ZFTRAF1: variants seen among roughly 807,000 people sequenced by gnomAD.
The protein encoded by ZFTRAF1 is zinc finger TRAF-type and ring finger containing 1, also known as zinc finger TRAF-type-containing protein 1.
chr8:144,461,217 C>G, the ZFTRAF1 span, among the ~76,000 whole-genome samples: 1 of 152,236 alleles, frequency 6.6e-6, no homozygotes, highest in Non-Finnish European at 1.5e-5. Flanking sequence ...AAAGTAGCTC[C>G]TCATCCAGGC....
the ZFTRAF1 span, chr8:144,451,953 G>A: frequency 1.4e-5 from 4 of 289,914 alleles, no homozygotes; most frequent in Non-Finnish European, 2.1e-5. Flanking sequence ...CACTCGGCAG[G>A]GTGCTCTTCT....
the ZFTRAF1 span, among the ~76,000 whole-genome samples, chr8:144,460,404 C>G: frequency 6.6e-6 from 1 of 152,256 alleles, no homozygotes; most frequent in African/African-American, 2.4e-5. Flanking sequence ...GCAGAGCCAT[C>G]ACTCTGTGCC....
the ZFTRAF1 span, chr8:144,462,234 G>C: frequency 2.0e-6 from 1 of 489,560 alleles, no homozygotes; most frequent in African/African-American, 2.1e-5. Flanking sequence ...CCCGCGGCGG[G>C]GGCTGCAGCC....
At chr8:144,453,707 C>G in the ZFTRAF1 span, 1 of 465,086 alleles carries the variant, frequency 2.2e-6, no homozygotes, top group Non-Finnish European at 3.9e-6. Flanking sequence ...CATCAGCTCA[C>G]AGAGGTGACA....
At chr8:144,458,860 G>A in the ZFTRAF1 span, among the ~76,000 whole-genome samples, 1 of 152,248 alleles carries the variant, frequency 6.6e-6, no homozygotes, top group African/African-American at 2.4e-5. Flanking sequence ...GCACTGTGCA[G>A]GGCCGAGTTA....
At chr8:144,452,335 G>A in the ZFTRAF1 span, 3 of 1,545,614 alleles carry the variant, frequency 1.9e-6, no homozygotes, top group East Asian at 4.9e-5. Context: ...TGTGTGGCAT[G>A]CAGCAGGCGG....
the ZFTRAF1 span, chr8:144,450,105 T>G: frequency 2.2e-6 from 1 of 460,968 alleles, no homozygotes; most frequent in Admixed American, 3.4e-5. Flanking sequence ...TGCCACCGTC[T>G]CTGAGCCTCG....
chr8:144,450,326 C>T, the ZFTRAF1 span: 3 of 688,578 alleles, frequency 4.4e-6, no homozygotes, highest in Non-Finnish European at 8.1e-6. Flanking sequence ...GTGGACAGGG[C>T]AGCGGTGCTG....
chr8:144,456,935 T>C, the ZFTRAF1 span: 1 of 143,604 alleles, frequency 7.0e-6, no homozygotes, highest in Non-Finnish European at 1.5e-5. Flanking sequence ...GGGAATGACA[T>C]CACAGGGGAT....
At chr8:144,453,354 C>G in the ZFTRAF1 span, 2 of 1,551,088 alleles carry the variant, frequency 1.3e-6, no homozygotes, top group Non-Finnish European at 1.7e-6. Context: ...GAGGCTCTTA[C>G]TGATCTCACA....
the ZFTRAF1 span, chr8:144,452,456 C>T: frequency 6.5e-7 from 1 of 1,549,544 alleles, no homozygotes; most frequent in Non-Finnish European, 8.7e-7. Context: ...CCAGGATCTC[C>T]ATCAGCTCAC....
At chr8:144,457,339 A>G in the ZFTRAF1 span, 1 of 152,148 alleles carries the variant, frequency 6.6e-6, no homozygotes, top group South Asian at 2.1e-4. Flanking sequence ...CAGTTTCCTC[A>G]TGTGCACAGG....
At chr8:144,458,803 G>A in the ZFTRAF1 span, among the ~76,000 whole-genome samples, 2 of 152,236 alleles carry the variant, frequency 1.3e-5, no homozygotes, top group Non-Finnish European at 2.9e-5. Context: ...GAGGTGGGCA[G>A]GGGCAGGGAG....
At chr8:144,450,880 A>G in the ZFTRAF1 span, 9 of 603,080 alleles carry the variant, frequency 1.5e-5, no homozygotes, top group Non-Finnish European at 2.7e-5. Flanking sequence ...GAGGAAGGCA[A>G]CTTACCCGGA....
the ZFTRAF1 span, chr8:144,462,370 CGCCGCCGCCGCCGCCGCCGCCTCG>C: frequency 2.5e-6 from 1 of 405,464 alleles, no homozygotes; most frequent in Non-Finnish European, 4.5e-6. Flanking sequence ...CGCTGCCGGC[CGCCGCCGCCGCCGCCGCCGCCTCG>C]GCCGCCTCGG....
chr8:144,453,502 G>A, the ZFTRAF1 span: 3 of 1,505,746 alleles, frequency 2.0e-6, no homozygotes, highest in East Asian at 7.4e-5. Context: ...AGACCTGCGG[G>A]CTCATGCTCG....
chr8:144,450,238 C>G, the ZFTRAF1 span: 2 of 613,494 alleles, frequency 3.3e-6, no homozygotes, highest in African/African-American at 3.7e-5. Context: ...CGCATGCAGA[C>G]TTGCCCTGTG....
chr8:144,451,921 T>C, the ZFTRAF1 span: 262 of 263,540 alleles, frequency 9.9e-4, 4 homozygotes, highest in East Asian at 0.024. Context: ...GCCGGGGCAG[T>C]GACTGCCTGC....
At chr8:144,456,748 GGAT>G in the ZFTRAF1 span, 2 of 150,586 alleles carry the variant, frequency 1.3e-5, no homozygotes, top group Non-Finnish European at 3.0e-5. Context: ...TGATATCACG[GGAT>G]GATGTCACAT....
Sources: gnomAD v4.1 joint callset for allele counts (sites outside exome capture counted in the v4.1 genomes callset) on GRCh38, gnomAD v4.1.1 for gene constraint, MANE v1.5 for transcripts, NCBI Gene and HGNC (gene_info 2026-07-23, HGNC 2026-07-21) for gene names.